JAK1: variants seen among roughly 807,000 people sequenced by gnomAD.
JAK1 encodes tyrosine-protein kinase JAK1.
In JAK1, 16 loss-of-function variants were observed where a neutral mutation model predicts 136.6. The ratio of observed to expected loss-of-function variants is 0.12; its 90% CI spans 0.08 to 0.18. JAK1 has a LOEUF of 0.18. JAK1 is among the 10% of genes least tolerant of loss of function. The probability of loss-of-function intolerance (pLI) is 1.00; values close to 1 mark genes in which losing one functional copy is unlikely to be tolerated. For synonymous variants in JAK1, 492 were observed against 519.5 expected, an observed-to-expected ratio of 0.95 and a Z score of 0.72; for missense variants, 859 against 1,450.1, an observed-to-expected ratio of 0.59 and a Z score of 6.62.
At chr1:64,926,882 G>C (rs1348358939) in intron 1 of JAK1, among the ~76,000 whole-genome samples, 1 of 152,198 alleles carries the variant, frequency 6.6e-6, no homozygotes, top group African/African-American at 2.4e-5. Flanking sequence ...ATGCTCCGTA[G>C]TATTTTGGTC....
intron 2 of JAK1, among the ~76,000 whole-genome samples, chr1:64,977,346 C>T (rs1400642972): frequency 6.6e-6 from 1 of 152,046 alleles, no homozygotes; most frequent in African/African-American, 2.4e-5. Flanking sequence ...GAGATGAGGT[C>T]TTGCTATGTT....
At chr1:64,870,869 T>C (rs371172161) in intron 5 of JAK1, among the ~76,000 whole-genome samples, 1 of 152,346 alleles carries the variant, frequency 6.6e-6, no homozygotes, top group East Asian at 1.9e-4. Flanking sequence ...TCTATGCCAG[T>C]AATGTGTGAA....
chr1:64,892,086 T>C (rs1198792859), intron 1 of JAK1, among the ~76,000 whole-genome samples: 4 of 152,250 alleles, frequency 2.6e-5, no homozygotes, highest in African/African-American at 9.6e-5. Context: ...TTGTTACTTT[T>C]CCTTTTCTAA....
At chr1:64,905,662 C>T (rs562549082) in intron 1 of JAK1, among the ~76,000 whole-genome samples, 2 of 152,274 alleles carry the variant, frequency 1.3e-5, no homozygotes, top group South Asian at 4.1e-4. Context: ...CGCACCTCAC[C>T]CAATCCCATA....
chr1:64,928,491 C>T (rs1645621194), intron 1 of JAK1, among the ~76,000 whole-genome samples: 1 of 152,134 alleles, frequency 6.6e-6, no homozygotes, highest in Non-Finnish European at 1.5e-5. Flanking sequence ...CAAATATGCA[C>T]ACACAAAACT....
intron 2 of JAK1, chr1:64,985,481 G>T: frequency 1.3e-6 from 2 of 1,598,850 alleles, no homozygotes. Context: ...GACTTTCAGG[G>T]CAAAAAGGAA....
intron 1 of JAK1, among the ~76,000 whole-genome samples, chr1:65,067,052 T>C (rs536603318): frequency 6.6e-6 from 1 of 151,976 alleles, no homozygotes; most frequent in Admixed American, 6.5e-5. Context: ...GTCGCCCCGC[T>C]ACCCCTCGGG....
chr1:64,859,979 G>C lies in JAK1; in HGVS notation c.1334+126C>G, dbSNP rs528990589. ...AGAGCTTGGACAGCAGGGAGGAAAG[G>C]AGGACAGCCAACAAGTACCAGGCAG... On this transcript the variant is annotated intron_variant, in intron 9 of 24. Coordinates refer to ENST00000342505, the MANE Select transcript of JAK1 (RefSeq NM_002227.4). The C allele has an allele frequency of 2.2e-5, 16 of 741,294 alleles. No homozygotes were observed. In the South Asian group the frequency reaches 4.7e-4, roughly 22 times the overall value. The allele number at this position is 741,294 out of a possible 1,614,324, so 45.9% of individuals were successfully genotyped here. A position where few individuals can be genotyped will look rare whatever the true frequency, so the allele number is the denominator to read the frequency against.
chr1:64,870,099 C>G (rs778894367), intron 5 of JAK1, among the ~76,000 whole-genome samples: 1 of 152,194 alleles, frequency 6.6e-6, no homozygotes, highest in Non-Finnish European at 1.5e-5. Context: ...GGCTAACCAG[C>G]AGTGCCCAGC....
intron 5 of JAK1, among the ~76,000 whole-genome samples, chr1:64,869,748 A>T (rs973380028): frequency 1.3e-5 from 2 of 152,230 alleles, no homozygotes; most frequent in Admixed American, 6.5e-5. Flanking sequence ...TCGCCATAGA[A>T]GTGACGCTGA....
intron 9 of JAK1, among the ~76,000 whole-genome samples, chr1:64,858,742 TTA>T (rs1402326941): frequency 6.6e-6 from 1 of 152,228 alleles, no homozygotes; most frequent in Non-Finnish European, 1.5e-5. Flanking sequence ...GGAACAAATG[TTA>T]TGTTATGTAA....
intron 2 of JAK1, among the ~76,000 whole-genome samples, chr1:65,026,869 T>C (rs1490786137): frequency 1.3e-5 from 2 of 151,744 alleles, no homozygotes; most frequent in African/African-American, 4.8e-5. Flanking sequence ...GGAGAATTGC[T>C]TGAACCTAGG....
At chr1:64,857,448 G>T (rs550450943) in intron 10 of JAK1, among the ~76,000 whole-genome samples, 1 of 152,202 alleles carries the variant, frequency 6.6e-6, no homozygotes, top group East Asian at 1.9e-4. Flanking sequence ...GGGCCCTACA[G>T]GGGGAGGATG....
chr1:65,061,359 C>T (rs1647784391), intron 1 of JAK1, among the ~76,000 whole-genome samples: 1 of 152,138 alleles, frequency 6.6e-6, no homozygotes, highest in Admixed American at 6.5e-5. Flanking sequence ...TGCACCACTA[C>T]ACTCCAGCCT....
In JAK1 at chr1:64,857,793, T is replaced by G; in HGVS notation, c.1335-14A>C. The G allele has an allele frequency of 6.2e-7, 1 of 1,613,952 alleles. No individual in the cohort carries two copies. Among genetic ancestry groups the G allele is most frequent in the African/African-American group, 1.3e-5 (1 of 75,030 alleles). ...GCGTATTCTGTACTAGAGGGAGAAG[T>G]AGGCAAAGGGAGAAAGAGCTCACAC... On this transcript the variant is annotated splice_polypyrimidine_tract_variant and intron_variant, in intron 9 of 24. Coordinates refer to ENST00000342505, the MANE Select transcript of JAK1 (RefSeq NM_002227.4).
chr1:65,052,292 A>G (rs1647313152), intron 1 of JAK1, among the ~76,000 whole-genome samples: 1 of 152,014 alleles, frequency 6.6e-6, no homozygotes, highest in Non-Finnish European at 1.5e-5. Flanking sequence ...TACACTCATC[A>G]TGTCTTAAAT....
Position 64,997,834 on chromosome 1 carries a change from A to G in JAK1, c.-78+46646T>C, listed in dbSNP as rs371044002. Among the ~76,000 whole-genome samples, 29 of 152,350 alleles carry G rather than the reference A, an allele frequency of 1.9e-4. 5 individuals carry two copies. The highest frequency in any genetic ancestry group is 3.3e-4 in the Admixed American group (5 of 15,296). ...GATAGAGAAGGAATGTTCTTCTCCAAGGCACAGGTTACCCCAGGGATCCCT... is the reference window on the plus strand; with the variant it reads ...GATAGAGAAGGAATGTTCTTCTCCAGGGCACAGGTTACCCCAGGGATCCCT... On this transcript the variant is annotated intron_variant, in intron 2 of 25. Coordinates refer to the JAK1 transcript ENST00000671954.
At chr1:64,986,090 C>T in intron 2 of JAK1, 1 of 987,446 alleles carries the variant, frequency 1.0e-6, no homozygotes, top group Non-Finnish European at 1.5e-6. Context: ...TCTATGTCCC[C>T]CATGGCCTCA....
chr1:64,911,335 C>A (rs1301322456), intron 1 of JAK1, among the ~76,000 whole-genome samples: 1 of 152,054 alleles, frequency 6.6e-6, no homozygotes, highest in African/African-American at 2.4e-5. Context: ...AAAGAGTGTG[C>A]TATCAATAAT....
Sources: gnomAD v4.1 joint callset for allele counts (sites outside exome capture counted in the v4.1 genomes callset) on GRCh38, gnomAD v4.1.1 for gene constraint, MANE v1.5 for transcripts, NCBI Gene and HGNC (gene_info 2026-07-23, HGNC 2026-07-21) for gene names.